The following DCAF1 variants were observed in gnomAD, a reference collection of about 807,000 sequenced individuals.
DCAF1 encodes the protein DDB1 and CUL4 associated factor 1.
DCAF1 carries 15 observed loss-of-function variants against 128.0 expected under a neutral mutation model. That is an observed-to-expected ratio of 0.12 (90% CI 0.08 to 0.18). The LOEUF (loss-of-function observed/expected upper bound fraction) is 0.18. Ranked by LOEUF, DCAF1 falls within the 10% of genes least tolerant of loss-of-function variation. DCAF1 has a pLI of 1.00. For missense variants in DCAF1, 988 were observed against 1,649.5 expected (o/e 0.60, Z 6.95); for synonymous variants, 610 against 603.0 (o/e 1.01, Z -0.17).
chr3:51,499,088 T>C (rs1229076635), intron 1 of DCAF1, among the ~76,000 whole-genome samples: 1 of 152,192 alleles, frequency 6.6e-6, no homozygotes, highest in Non-Finnish European at 1.5e-5. Context: ...TCCAAAACTA[T>C]TTCCTCAACA....
At chr3:51,417,461 C>T (rs540771838) in intron 17 of DCAF1, among the ~76,000 whole-genome samples, 1 of 152,160 alleles carries the variant, frequency 6.6e-6, no homozygotes, top group Non-Finnish European at 1.5e-5. Context: ...TGGCTCAGGC[C>T]TGTAATCCCA....
At chr3:51,400,621 G>T (rs775403142) in intron 24 of DCAF1, among the ~76,000 whole-genome samples, 4 of 151,908 alleles carry the variant, frequency 2.6e-5, no homozygotes, top group Admixed American at 6.6e-5. Flanking sequence ...ACCATAGGAC[G>T]CCTTTCTCTA....
At chr3:51,421,744 C>T (rs928360394) in intron 14 of DCAF1, among the ~76,000 whole-genome samples, 5 of 152,152 alleles carry the variant, frequency 3.3e-5, no homozygotes, top group Non-Finnish European at 7.4e-5. Flanking sequence ...CCCAGCAGTG[C>T]CCTGATCAGC....
chr3:51,445,193 GA>G (rs1212532266), intron 6 of DCAF1, among the ~76,000 whole-genome samples: 7 of 152,000 alleles, frequency 4.6e-5, no homozygotes, highest in African/African-American at 1.7e-4. Context: ...AAATTTTAAA[GA>G]AACAGAAACC....
At chr3:51,480,801 GTATTT>G (rs547449672) in intron 3 of DCAF1, among the ~76,000 whole-genome samples, 7 of 152,134 alleles carry the variant, frequency 4.6e-5, no homozygotes, top group African/African-American at 1.4e-4. Context: ...TCATGTGTAT[GTATTT>G]TAATTTTCTG....
At chr3:51,466,408 T>C (rs1381097271) in intron 5 of DCAF1, among the ~76,000 whole-genome samples, 1 of 152,140 alleles carries the variant, frequency 6.6e-6, no homozygotes, top group East Asian at 1.9e-4. Context: ...GAGTAAAATA[T>C]GTATATTCTT....
intron 17 of DCAF1, among the ~76,000 whole-genome samples, chr3:51,417,802 A>T (rs1444808354): frequency 1.9e-5 from 2 of 106,452 alleles, no homozygotes; most frequent in Non-Finnish European, 3.8e-5. Flanking sequence ...AGGGGAGGTG[A>T]GGGGGGAGGG....
chr3:51,495,040 A>T (rs1708081155), intron 2 of DCAF1, among the ~76,000 whole-genome samples: 1 of 151,168 alleles, frequency 6.6e-6, no homozygotes, highest in South Asian at 2.2e-4. Flanking sequence ...AATAAAAAAT[A>T]GGCCAGGCGT....
At chr3:51,489,358 A>T (rs1707351330) in intron 2 of DCAF1, among the ~76,000 whole-genome samples, 1 of 152,110 alleles carries the variant, frequency 6.6e-6, no homozygotes, top group Admixed American at 6.6e-5. Flanking sequence ...GCTTGAATCG[A>T]AGAGGCAGAC....
In DCAF1 at chr3:51,428,699, C is replaced by T. The variant is rs1390974231; in HGVS notation, c.1677+562G>A. On this transcript the variant is annotated intron_variant, in intron 12 of 24. Coordinates refer to ENST00000684031, the MANE Select transcript of DCAF1 (RefSeq NM_001387579.1). ...GGCAAATCATCTAGTACTTTTCATA[C>T]AAAAAAGCTCTTTGCCAGGTACAGT... Among the ~76,000 whole-genome samples the T allele has an allele frequency of 2.0e-5, 3 of 152,000 alleles. No homozygotes were observed. The East Asian group carries it at 5.8e-4, about 29-fold the overall frequency.
rs1412429856 is a variant in DCAF1, at chr3:51,420,057, T to C, written c.2913A>G (p.Lys971=). Residue 971 remains lysine (K), a synonymous_variant, in exon 15 of 25, where the codon AAA becomes AAG. Coordinates refer to ENST00000684031, the MANE Select transcript of DCAF1 (RefSeq NM_001387579.1). This position sits in a 1 kb window ranked among gnomAD's most constrained non-coding sequence, Gnocchi z 6.5. ...CCGACTTCTGCCGCAACACTCTGAT[T>C]TTCCTGCCATTGCAGGGTGATGGCC... ...RERPSPCNGR[K]IRVLRQKSDH... is the part of the protein sequence containing the mutation. 2.5e-6 allele frequency: 4 copies of C among 1,613,918 alleles called. No homozygotes were observed. The highest frequency in any genetic ancestry group is 2.2e-5 in the East Asian group (1 of 44,896).
intron 23 of DCAF1, among the ~76,000 whole-genome samples, chr3:51,407,513 T>C (rs781978247): frequency 1.3e-5 from 2 of 152,164 alleles, no homozygotes; most frequent in Non-Finnish European, 2.9e-5. Flanking sequence ...GACTCCAAAA[T>C]GGAGTGGAAA....
At chr3:51,441,353 T>C in intron 8 of DCAF1, 32 bp downstream of exon 8, 5 of 1,587,062 alleles carry the variant, frequency 3.2e-6, no homozygotes, top group Non-Finnish European at 4.3e-6. Context: ...ATAATTCCTA[T>C]GTGTGAACAG....
At chr3:51,450,411 A>T (rs1266456641) in intron 6 of DCAF1, among the ~76,000 whole-genome samples, 2 of 152,224 alleles carry the variant, frequency 1.3e-5, no homozygotes, top group Non-Finnish European at 2.9e-5. Context: ...AGAGGATTAT[A>T]CATCATGACT....
intron 6 of DCAF1, among the ~76,000 whole-genome samples, chr3:51,445,339 G>C (rs537606402): frequency 6.6e-6 from 1 of 152,246 alleles, no homozygotes; most frequent in South Asian, 2.1e-4. Context: ...TATATATTTT[G>C]CTGCAACTTA....
chr3:51,446,280 G>A (rs758678406), intron 6 of DCAF1, among the ~76,000 whole-genome samples: 94 of 152,082 alleles, frequency 6.2e-4, no homozygotes, highest in Non-Finnish European at 1.1e-3. Flanking sequence ...GATTACAGGT[G>A]TTAGCCACCG....
At chr3:51,402,653 C>A (rs1553625274) in intron 24 of DCAF1, among the ~76,000 whole-genome samples, 1 of 146,338 alleles carries the variant, frequency 6.8e-6, no homozygotes, top group African/African-American at 2.6e-5. Flanking sequence ...CGGCTCACTG[C>A]AACCTCCGCC....
chr3:51,396,995 G>A (rs1310735365), downstream of DCAF1: 3 of 167,060 alleles, frequency 1.8e-5, no homozygotes, highest in African/African-American at 7.2e-5. Context: ...GTGTGACACA[G>A]ACCCACTTCA....
chr3:51,443,682 G>C (rs1185187006), intron 7 of DCAF1, 84 bp downstream of exon 7: 4 of 1,201,936 alleles, frequency 3.3e-6, no homozygotes, highest in Non-Finnish European at 4.5e-6. Context: ...TAATCAATAT[G>C]ATCTACTTAT....
Sources: allele counts gnomAD v4.1 joint callset (sites outside exome capture counted in the v4.1 genomes callset), GRCh38; gene constraint gnomAD v4.1.1; non-coding constraint Gnocchi (gnomAD v3.1); transcripts MANE v1.5; gene names NCBI Gene and HGNC (gene_info 2026-07-23, HGNC 2026-07-21).